The following TTLL7 variants were observed in gnomAD, a reference collection of about 807,000 sequenced individuals.
TTLL7 encodes tubulin polyglutamylase TTLL7.
In TTLL7, 53 loss-of-function variants were observed where a neutral mutation model predicts 120.2. The ratio of observed to expected loss-of-function variants is 0.44; its 90% confidence interval spans 0.35 to 0.55. The LOEUF is 0.55. Among genes scored for constraint, TTLL7 ranks in the 20% least tolerant of loss-of-function variants. TTLL7 has a pLI of 0.00. For synonymous variants in TTLL7, 353 were observed against 351.7 expected (o/e 1.00, Z -0.04); for missense variants, 803 against 1,054.7 (o/e 0.76, Z 3.31).
At chr1:83,911,092 C>T (rs1415490482) in intron 15 of TTLL7, 73 bp downstream of exon 15, 11 of 1,304,564 alleles carry the variant, frequency 8.4e-6, no homozygotes, top group Admixed American at 7.4e-5. Flanking sequence ...GGCCCAAGGA[C>T]CTTTTACTGA....
chr1:83,917,449 T>C (rs1658286004), intron 14 of TTLL7, among the ~76,000 whole-genome samples, 155 bp downstream of exon 14: 1 of 152,062 alleles, frequency 6.6e-6, no homozygotes, highest in Admixed American at 6.6e-5. Context: ...AACTCCTGAG[T>C]GTAAGGTATC....
chr1:83,897,599 A>G (rs1366726476), intron 18 of TTLL7, among the ~76,000 whole-genome samples: 1 of 152,104 alleles, frequency 6.6e-6, no homozygotes, highest in African/African-American at 2.4e-5. Context: ...CTCTCCCAAG[A>G]TAGTTCCCAG....
intron 1 of TTLL7, among the ~76,000 whole-genome samples, chr1:83,964,521 A>T (rs946638991): frequency 6.6e-6 from 1 of 151,862 alleles, no homozygotes; most frequent in African/African-American, 2.4e-5. Flanking sequence ...ATTTTATTCT[A>T]TATCTTGTTA....
chr1:83,891,415 AAG>A (rs1205635262), intron 18 of TTLL7, among the ~76,000 whole-genome samples: 2 of 152,164 alleles, frequency 1.3e-5, no homozygotes, highest in African/African-American at 2.4e-5. Context: ...TGACAATATC[AAG>A]TGCTAGAGAG....
chr1:83,909,267 TCCTTTTTTTTTTTTTTTTTTTG>T (rs1416219740), intron 15 of TTLL7, among the ~76,000 whole-genome samples: 1 of 60,576 alleles, frequency 1.7e-5, no homozygotes, highest in Non-Finnish European at 5.3e-5. Context: ...CTTTTTTTTT[TCCTTTTTTTTTTTTTTTTTTTG>T]CCTACACATG....
intron 9 of TTLL7, among the ~76,000 whole-genome samples, chr1:83,930,349 C>CT: frequency 6.6e-6 from 1 of 152,030 alleles, no homozygotes; most frequent in East Asian, 1.9e-4. Context: ...CATGGTACTC[C>CT]TTTTATAGAG....
At chr1:83,899,838 G>A (rs1428987811) in intron 18 of TTLL7, among the ~76,000 whole-genome samples, 1 of 151,840 alleles carries the variant, frequency 6.6e-6, no homozygotes, top group African/African-American at 2.4e-5. Flanking sequence ...CCACATAACG[G>A]TGTATGATTA....
chr1:83,956,158 T>G (rs908665228), intron 1 of TTLL7, among the ~76,000 whole-genome samples: 9 of 152,158 alleles, frequency 5.9e-5, no homozygotes, highest in African/African-American at 1.9e-4. Context: ...TTAGAGACAA[T>G]CATAGCTCAC....
chr1:83,973,613 C>T (rs1370109478), intron 1 of TTLL7, among the ~76,000 whole-genome samples: 2 of 151,880 alleles, frequency 1.3e-5, no homozygotes, highest in Non-Finnish European at 2.9e-5. Flanking sequence ...AAACAAATTG[C>T]TGAAATTTTG....
chr1:83,954,204 T>G (rs1649311926), intron 1 of TTLL7, among the ~76,000 whole-genome samples: 1 of 152,158 alleles, frequency 6.6e-6, no homozygotes, highest in Non-Finnish European at 1.5e-5. Flanking sequence ...CTAACTATAC[T>G]AGATTCTAAA....
chr1:83,873,415 T>G lies in TTLL7; in HGVS notation c.2544-3333A>C, dbSNP rs574103020. Among the ~76,000 whole-genome samples the G allele has an allele frequency of 7.5e-4, 114 of 152,288 alleles. 1 individual carries two copies. In the Middle Eastern group the frequency reaches 0.01, roughly 14 times the overall value. On this transcript the variant is annotated intron_variant, in intron 20 of 20. Coordinates refer to ENST00000260505, the MANE Select transcript of TTLL7 (RefSeq NM_024686.6). ...CTTGCAATGAAGTTAAACAATTTGA[T>G]TTTTTTAAAGCAGGAAGACTATCTC...
At chr1:83,958,388 C>T (rs11807807) in intron 1 of TTLL7, among the ~76,000 whole-genome samples, 64,686 of 151,912 alleles carry the variant, frequency 0.43, 15,369 homozygotes, top group Non-Finnish European at 0.54. Context: ...AGAAAAATAA[C>T]AAATGTAACA....
chr1:83,980,190 T>C (rs1356757343), intron 1 of TTLL7: 3 of 151,958 alleles, frequency 2.0e-5, no homozygotes, highest in Non-Finnish European at 4.4e-5. Context: ...AATTTTGGTC[T>C]GAAGAAAAAA....
chr1:83,897,899 T>C (rs1216534051), intron 18 of TTLL7, among the ~76,000 whole-genome samples: 1 of 151,428 alleles, frequency 6.6e-6, no homozygotes, highest in Non-Finnish European at 1.5e-5. Flanking sequence ...TCACTGTTAA[T>C]TCCACCTTAG....
intron 1 of TTLL7, among the ~76,000 whole-genome samples, chr1:83,976,069 G>C (rs201963055): frequency 5.9e-4 from 67 of 113,938 alleles, no homozygotes; most frequent in Non-Finnish European, 1.0e-3. Context: ...GTGTGTGTGT[G>C]TGTGTGTCTG....
intron 1 of TTLL7, among the ~76,000 whole-genome samples, chr1:83,992,756 TA>T (rs1653114932): frequency 6.8e-6 from 1 of 147,370 alleles, no homozygotes; most frequent in Non-Finnish European, 1.5e-5. Flanking sequence ...TCTGGTTTCA[TA>T]AATATTAAAC....
intron 1 of TTLL7, among the ~76,000 whole-genome samples, chr1:83,986,582 C>T (rs564307529): frequency 1.3e-5 from 2 of 152,190 alleles, no homozygotes; most frequent in African/African-American, 2.4e-5. Flanking sequence ...TGGTGGCTCA[C>T]GCCTGTAATC....
At position 83,933,721 on chromosome 1, in the gene TTLL7, G is replaced by C; in HGVS notation, c.934C>G (p.His312Asp). ...CCAGGTCTACACATTCGATAGGCAT[G>C]CAGGACATGAGGTTCTGCTACAATC... The part of the protein sequence containing the change: ...TLIVAEPHVL[H>D]AYRMCRPGQP... The change falls in exon 9 of 21, where the codon CAT becomes GAT. Residue 312 changes from histidine to aspartate, a missense_variant. His to Asp is a moderately conservative substitution (Grantham distance 81). Coordinates refer to ENST00000260505, the MANE Select transcript of TTLL7 (RefSeq NM_024686.6). 1 of 1,613,532 alleles carries C rather than the reference G, an allele frequency of 6.2e-7. No homozygotes were observed. The highest frequency in any genetic ancestry group is 8.5e-7 in the Non-Finnish European group (1 of 1,179,606).
At chr1:83,973,248 AAG>A (rs1651156270) in intron 1 of TTLL7, among the ~76,000 whole-genome samples, 1 of 151,988 alleles carries the variant, frequency 6.6e-6, no homozygotes, top group Non-Finnish European at 1.5e-5. Context: ...AATTTTTGTG[AAG>A]AGTGTAAAGC....
Sources: gnomAD v4.1 joint callset for allele counts (sites outside exome capture counted in the v4.1 genomes callset) on GRCh38, gnomAD v4.1.1 for gene constraint, MANE v1.5 for transcripts, NCBI Gene and HGNC (gene_info 2026-07-23, HGNC 2026-07-21) for gene names.